Variants in SLMAP observed in about 807,000 individuals in gnomAD.
The protein encoded by SLMAP is sarcolemmal membrane-associated protein.
A neutral mutation model predicts 128.8 loss-of-function variants in SLMAP; 44 were observed. That is an observed-to-expected ratio of 0.34 (90% CI 0.27 to 0.44). SLMAP has a LOEUF of 0.44. Ranked by LOEUF, SLMAP falls within the 20% of genes least tolerant of loss-of-function variation. The probability of loss-of-function intolerance (pLI) is 1.00; values close to 1 mark genes in which losing one functional copy is unlikely to be tolerated. For missense variants in SLMAP, 787 were observed against 985.3 expected (o/e 0.80, Z 2.69); for synonymous variants, 327 against 348.8 (o/e 0.94, Z 0.70).
In SLMAP at chr3:57,925,836, C is replaced by T; in HGVS notation, c.2446-9C>T. ...ATAAAATGATTTTAATATGCCTTCC[C>T]TTCTTTAGCCTTCCATATTACAACC... On this transcript the variant is annotated splice_polypyrimidine_tract_variant and intron_variant, in intron 23 of 24. Transcript: ENST00000671191. 7 of 1,544,674 alleles carry T rather than the reference C, an allele frequency of 4.5e-6. No homozygotes were observed. Among genetic ancestry groups the T allele is most frequent in the Non-Finnish European group, 6.1e-6 (7 of 1,141,376 alleles).
chr3:57,873,713 C>T lies in SLMAP; in HGVS notation c.1300+2015C>T, dbSNP rs112138982. Among the ~76,000 whole-genome samples, 493 of 152,222 alleles carry T rather than the reference C, an allele frequency of 3.2e-3. 3 individuals are homozygous for T. The highest frequency in any genetic ancestry group is 0.011 in the African/African-American group (469 of 41,542). ...TCTTTAGGCCAGGTGCTATGGCTCA[C>T]GTCTGTAATCCTGCTCTTTCATGGG... On this transcript the variant is annotated intron_variant, in intron 14 of 24. Transcript: ENST00000671191.
At chr3:57,891,461 C>CACTT (rs2096068113) in intron 15 of SLMAP, among the ~76,000 whole-genome samples, 1 of 152,176 alleles carries the variant, frequency 6.6e-6, no homozygotes, top group Admixed American at 6.5e-5. Flanking sequence ...AGAATATCAT[C>CACTT]ACTTTAAATA....
At chr3:57,818,241 C>T (rs571051560) in intron 2 of SLMAP, among the ~76,000 whole-genome samples, 12 of 152,184 alleles carry the variant, frequency 7.9e-5, no homozygotes, top group African/African-American at 2.9e-4. Context: ...CTGCAACCTC[C>T]GCCTCCCGGG....
intron 2 of SLMAP, among the ~76,000 whole-genome samples, chr3:57,774,341 T>C (rs375966578): frequency 6.6e-6 from 1 of 152,172 alleles, no homozygotes; most frequent in Admixed American, 6.6e-5. Flanking sequence ...AGGTAAACTT[T>C]TTGAATAATG....
At chr3:57,787,752 C>T (rs1462723038) in intron 2 of SLMAP, among the ~76,000 whole-genome samples, 1 of 152,242 alleles carries the variant, frequency 6.6e-6, no homozygotes. Context: ...GCTGAGATTA[C>T]AGGCGTGAGC....
rs1434078981 is a variant in SLMAP, at chr3:57,847,193, T to C, written c.420-4T>C. On this transcript the variant is annotated splice_polypyrimidine_tract_variant and splice_region_variant and intron_variant, in intron 4 of 24. Coordinates refer to ENST00000671191, the MANE Select transcript of SLMAP (RefSeq NM_001377540.1). Reference sequence around the variant, plus strand: ...AGATAAAACTTCTAAATTTTACTTTTCAGTGTCATCCATGCACCATTACCA... The same window carrying C: ...AGATAAAACTTCTAAATTTTACTTTCCAGTGTCATCCATGCACCATTACCA... 5.0e-6 allele frequency: 8 copies of C among 1,596,034 alleles called. No homozygotes were observed. The highest frequency in any genetic ancestry group is 6.0e-6 in the Non-Finnish European group (7 of 1,169,228).
chr3:57,906,300 C>CTTTTTTTTTTTTTTTTTTTTTTTTTTTT (rs112949836), intron 17 of SLMAP, among the ~76,000 whole-genome samples: 2 of 71,264 alleles, frequency 2.8e-5, no homozygotes, highest in Non-Finnish European at 5.6e-5. Flanking sequence ...AAATTTTTTT[C>CTTTTTTTTTTTTTTTTTTTTTTTTTTTT]TTTTTTTTTC....
At chr3:57,825,268 A>C (rs2092832615) in intron 2 of SLMAP, among the ~76,000 whole-genome samples, 1 of 151,090 alleles carries the variant, frequency 6.6e-6, no homozygotes, top group African/African-American at 2.4e-5. Flanking sequence ...CTTCTAGTAC[A>C]GTGTTGAACA....
chr3:57,854,877 A>G (rs1185405519), intron 6 of SLMAP, among the ~76,000 whole-genome samples: 1 of 152,028 alleles, frequency 6.6e-6, no homozygotes, highest in Non-Finnish European at 1.5e-5. Context: ...TCATTAGGTG[A>G]TTTTGTCTTT....
chr3:57,781,707 C>G (rs2083103582), intron 2 of SLMAP, among the ~76,000 whole-genome samples: 1 of 144,994 alleles, frequency 6.9e-6, no homozygotes, highest in African/African-American at 2.6e-5. Flanking sequence ...ACAAGCTATT[C>G]TAAGTAAATA....
chr3:57,773,552 C>T (rs780206188), intron 2 of SLMAP, among the ~76,000 whole-genome samples: 8 of 152,140 alleles, frequency 5.3e-5, no homozygotes, highest in Non-Finnish European at 7.4e-5. Flanking sequence ...GAAATCAAGG[C>T]ATAAACTTTG....
intron 15 of SLMAP, among the ~76,000 whole-genome samples, chr3:57,895,959 G>A (rs2096234709): frequency 6.7e-6 from 1 of 148,304 alleles, no homozygotes. Flanking sequence ...AAAAAAAAAA[G>A]TTTTTTCTTA....
chr3:57,776,424 G>A (rs2081940962), intron 2 of SLMAP, among the ~76,000 whole-genome samples: 2 of 151,188 alleles, frequency 1.3e-5, no homozygotes, highest in African/African-American at 2.4e-5. Flanking sequence ...AATCAGAATT[G>A]AGTGATAGAT....
At chr3:57,897,111 T>G in intron 17 of SLMAP, 179 bp downstream of exon 17, 2 of 1,360,178 alleles carry the variant, frequency 1.5e-6, no homozygotes, top group Non-Finnish European at 1.9e-6. Context: ...TATTTCAAAC[T>G]ATTGTTGAAT....
intron 14 of SLMAP, among the ~76,000 whole-genome samples, chr3:57,889,162 G>A (rs2095993259): frequency 6.6e-6 from 1 of 152,356 alleles, no homozygotes; most frequent in South Asian, 2.1e-4. Flanking sequence ...GGGATTACAG[G>A]CGTGAGCCAC....
In SLMAP at chr3:57,831,017, T is replaced by A. The variant is rs186049969; in HGVS notation, c.199-366T>A. Among the ~76,000 whole-genome samples, 115 of 152,328 alleles carry A rather than the reference T, an allele frequency of 7.5e-4. 1 individual carries two copies. The highest frequency in any genetic ancestry group is 2.3e-3 in the African/African-American group (95 of 41,562). ...GATTATTTTCCCTTTTTGGCTATTA[T>A]GAATAATGCCAACATTTGTGTAGAA... On this transcript the variant is annotated intron_variant, in intron 2 of 24. Coordinates refer to ENST00000671191, the MANE Select transcript of SLMAP (RefSeq NM_001377540.1).
At chr3:57,802,591 A>G (rs911822158) in intron 2 of SLMAP, among the ~76,000 whole-genome samples, 1 of 152,170 alleles carries the variant, frequency 6.6e-6, no homozygotes, top group African/African-American at 2.4e-5. Context: ...ACAGATTTGC[A>G]TATTCTAGAA....
intron 14 of SLMAP, among the ~76,000 whole-genome samples, chr3:57,873,497 C>T (rs1052495581): frequency 3.3e-5 from 5 of 151,140 alleles, no homozygotes; most frequent in South Asian, 2.1e-4. Flanking sequence ...AGTGAGACTC[C>T]GTCTCAAAAA....
chr3:57,848,998 C>T (rs561326424), intron 5 of SLMAP, among the ~76,000 whole-genome samples: 3 of 150,298 alleles, frequency 2.0e-5, no homozygotes, highest in Admixed American at 6.6e-5. Flanking sequence ...CGTGAGCCAC[C>T]GTACCTGGCC....
Sources: allele counts gnomAD v4.1 joint callset (sites outside exome capture counted in the v4.1 genomes callset), GRCh38; gene constraint gnomAD v4.1.1; transcripts MANE v1.5; gene names NCBI Gene and HGNC (gene_info 2026-07-23, HGNC 2026-07-21).